ESPNL: variants seen among roughly 807,000 people sequenced by gnomAD.
ESPNL encodes the protein espin-like protein.
In ESPNL, 49 loss-of-function variants were observed where a neutral mutation model predicts 46.8. The observed-to-expected ratio is 1.05, with a 90% CI of 0.83 to 1.33. The LOEUF is 1.33. Ranked by LOEUF, ESPNL falls within the 40% of genes most tolerant of loss-of-function variation. The probability of loss-of-function intolerance (pLI) is 0.00; values close to 1 mark genes in which losing one functional copy is unlikely to be tolerated. For missense variants in ESPNL, 1,540 were observed against 1,436.6 expected, an observed-to-expected ratio of 1.07 and a Z score of -1.16; for synonymous variants, 664 against 662.1, an observed-to-expected ratio of 1.00 and a Z score of -0.04.
intron 8 of ESPNL, among the ~76,000 whole-genome samples, chr2:238,129,729 G>C (rs1488365203): frequency 1.3e-5 from 2 of 152,260 alleles, no homozygotes; most frequent in Admixed American, 1.3e-4. Flanking sequence ...GCCACATGCA[G>C]CCACTGAAAT....
rs781528755 is a variant in ESPNL, at chr2:238,104,834, G to A, written c.664G>A (p.Val222Ile). Reference protein sequence around the residue: ...AAARGHYSLVVWLVTFTDIGL... With the variant: ...AAARGHYSLVIWLVTFTDIGL... ...CGCCCGTGGCCACTACTCCCTCGTCGTCTGGCTGGTAAGTGGGTGCCAGAG... is the reference window on the plus strand; with the variant it reads ...CGCCCGTGGCCACTACTCCCTCGTCATCTGGCTGGTAAGTGGGTGCCAGAG... The change falls in exon 3 of 9, where the codon GTC (valine) becomes ATC (isoleucine). Residue 222 changes from valine to isoleucine, a missense_variant. Coordinates refer to ENST00000343063, the MANE Select transcript of ESPNL (RefSeq NM_194312.4). 27 of 1,511,494 alleles carry A rather than the reference G, an allele frequency of 1.8e-5. 1 individual carries two copies. Among genetic ancestry groups the A allele is most frequent in the Middle Eastern group, 2.1e-4 (1 of 4,726 alleles). The allele number at this position is 1,511,494 out of a possible 1,614,324, so 93.6% of individuals were successfully genotyped here.
At chr2:238,127,298 A>C in intron 6 of ESPNL, 1 of 1,108,128 alleles carries the variant, frequency 9.0e-7, no homozygotes, top group East Asian at 4.8e-5. Flanking sequence ...CAGCAAGGGA[A>C]CCAGCTTTGG....
chr2:238,131,483 A>G lies in ESPNL; in HGVS notation c.2769A>G (p.Lys923=), dbSNP rs1692336170. The G allele has an allele frequency of 6.2e-7, 1 of 1,611,674 alleles. No individual in the cohort carries two copies. Among genetic ancestry groups the G allele is most frequent in the Non-Finnish European group, 8.5e-7 (1 of 1,179,512 alleles). ...GGACCGACGGCTTCGAGGACATCAA[A>G]GCCCGCTTCTTTGGCTCCAGCCAGC... ...RAWTDGFEDI[K]ARFFGSSQRP... is the part of the protein sequence containing the mutation. Residue 923 remains lysine (K), a synonymous_variant, in exon 9 of 9, where the codon AAA becomes AAG. Transcript: ENST00000343063.
intron 2 of ESPNL, among the ~76,000 whole-genome samples, chr2:238,102,465 A>G (rs1691506707): frequency 6.6e-6 from 1 of 152,132 alleles, no homozygotes; most frequent in Admixed American, 6.5e-5. Context: ...GACCTAAAAC[A>G]GCTGGGGACG....
At chr2:238,101,108 G>A (rs1030539413) in intron 1 of ESPNL, among the ~76,000 whole-genome samples, 2 of 152,184 alleles carry the variant, frequency 1.3e-5, no homozygotes, top group Admixed American at 6.5e-5. Flanking sequence ...TGGGGGACGG[G>A]AGTTAGGGCT....
Position 238,132,064 on chromosome 2 carries a change from G to A in ESPNL, c.*332G>A. The A allele has an allele frequency of 3.8e-6, 1 of 262,806 alleles. No individual in the cohort carries two copies. Among genetic ancestry groups the A allele is most frequent in the Non-Finnish European group, 7.2e-6 (1 of 138,616 alleles). 16.3% of individuals were successfully genotyped at this position (262,806 alleles called of 1,614,324 possible). ...CACTTGTCCTTCCCCAGTGTCACCA[G>A]TTCCCTTGGCGTCCTGTCCCTCAGT... On this transcript the variant is annotated 3_prime_UTR_variant, in exon 9 of 9. Coordinates refer to ENST00000343063, the MANE Select transcript of ESPNL (RefSeq NM_194312.4).
In ESPNL at chr2:238,128,869, G is replaced by A. The variant is rs1384844944; in HGVS notation, c.1378G>A (p.Ala460Thr). 4 of 1,545,332 alleles carry A rather than the reference G, an allele frequency of 2.6e-6. No homozygotes were observed. In the Admixed American group the frequency reaches 5.9e-5, roughly 23 times the overall value. Reference sequence around the variant, plus strand: ...GCAGGTGATGGTGCGGAAGCTGCAGGCGCGCCTGGGCGCAGAGAGCTCCGC... The same window carrying A: ...GCAGGTGATGGTGCGGAAGCTGCAGACGCGCCTGGGCGCAGAGAGCTCCGC... ...KRQVMVRKLQ[A>T]RLGAESSAEA... Residue 460 changes from alanine to threonine, a missense_variant, in exon 8 of 9, where the codon GCG becomes ACG. Coordinates refer to ENST00000343063, the MANE Select transcript of ESPNL (RefSeq NM_194312.4).
rs772457968 is a variant in ESPNL at position 238,107,924 on chromosome 2, C to T, written c.806C>T (p.Ser269Phe). The T allele has an allele frequency of 1.4e-5, 22 of 1,612,614 alleles. No individual in the cohort carries two copies. The highest frequency in any genetic ancestry group is 1.6e-4 in the Middle Eastern group (1 of 6,072). The change falls in exon 4 of 9, where the codon TCC becomes TTC. Residue 269 changes from serine (S) to phenylalanine (F), a missense_variant. Physicochemically the swap from Ser to Phe is radical, Grantham distance 155. Coordinates refer to ENST00000343063, the MANE Select transcript of ESPNL (RefSeq NM_194312.4). ...ATGGGTACCCCCATCCTGAGAGACTCCTGGGGTGGGACCCCCCTCCACGAC... is the reference window on the plus strand; with the variant it reads ...ATGGGTACCCCCATCCTGAGAGACTTCTGGGGTGGGACCCCCCTCCACGAC... ...LLMGTPILRDSWGGTPLHDAA... is the reference protein window; with the variant it reads ...LLMGTPILRDFWGGTPLHDAA...
At position 238,130,872 on chromosome 2, in the gene ESPNL, G is replaced by A. The variant is rs1250424703; in HGVS notation, c.2158G>A (p.Glu720Lys). The A allele has an allele frequency of 6.4e-7, 1 of 1,557,086 alleles. No individual in the cohort carries two copies. The highest frequency in any genetic ancestry group is 1.2e-5 in the South Asian group (1 of 85,038). The change falls in exon 9 of 9, where the codon GAG becomes AAG. Residue 720 changes from glutamate to lysine, a missense_variant. Transcript: ENST00000343063. ...CAGCGACTCTGGCATCAGCTGCGAGGAGGTGCCATCAGAGGCGGGTGCCGC... is the reference window on the plus strand; with the variant it reads ...CAGCGACTCTGGCATCAGCTGCGAGAAGGTGCCATCAGAGGCGGGTGCCGC... ...EASDSGISCEEVPSEAGAAAG... is the reference protein window; with the variant it reads ...EASDSGISCEKVPSEAGAAAG...
rs751771363 is a variant in ESPNL, at chr2:238,127,104, GTATGTGA to G, written c.1103-516_1103-510del. 6.3e-5 allele frequency among the ~76,000 whole-genome samples: 6 copies of G among 95,554 alleles called. No homozygotes were observed. The East Asian group carries it at 2.7e-3, about 43-fold the overall frequency. 62.7% of individuals were successfully genotyped at this position (95,554 alleles called of 152,430 possible). A position where few individuals can be genotyped will look rare whatever the true frequency, so the allele number is the denominator to read the frequency against. On this transcript the variant is annotated intron_variant, in intron 6 of 8. Coordinates refer to ENST00000343063, the MANE Select transcript of ESPNL (RefSeq NM_194312.4). ...TGTGTGTATGATTGTGTCTGTGTCT[GTATGTGA>G]TGTGATTGTGTCTGTGTCTGTGTGA...
chr2:238,112,487 C>G (rs369587561), intron 4 of ESPNL, among the ~76,000 whole-genome samples: 2 of 41,866 alleles, frequency 4.8e-5, no homozygotes, highest in Non-Finnish European at 1.1e-4. Context: ...CTCCAAAAAG[C>G]ATTAATTGTC....
At chr2:238,109,259 T>C (rs763748265) in intron 4 of ESPNL, among the ~76,000 whole-genome samples, 4 of 152,152 alleles carry the variant, frequency 2.6e-5, no homozygotes, top group Non-Finnish European at 5.9e-5. Flanking sequence ...TTCTTTCAAA[T>C]GAAATATTTG....
chr2:238,108,584 G>A (rs1039342613), intron 4 of ESPNL, among the ~76,000 whole-genome samples: 2 of 152,136 alleles, frequency 1.3e-5, no homozygotes, highest in African/African-American at 4.8e-5. Flanking sequence ...GCCCCATCCG[G>A]TCCTGAGCAG....
chr2:238,129,290 G>A (rs1692223205), intron 8 of ESPNL: 1 of 1,092,696 alleles, frequency 9.2e-7, no homozygotes, highest in Non-Finnish European at 1.1e-6. Context: ...AAGCAGTTGG[G>A]GGACTATGAT....
Position 238,131,553 on chromosome 2 carries a change from C to A in ESPNL, c.2839C>A (p.Leu947Met), listed in dbSNP as rs1379348290. 1 of 1,611,182 alleles carries A rather than the reference C, an allele frequency of 6.2e-7. No homozygotes were observed. The highest frequency in any genetic ancestry group is 8.5e-7 in the Non-Finnish European group (1 of 1,179,090). ...TEPGRKSGLT[L>M]LGPLPHAAVP... Reference sequence around the variant, plus strand: ...GCCTGGCCGCAAGTCAGGTCTGACCCTGCTCGGGCCCCTGCCTCACGCCGC... The same window carrying A: ...GCCTGGCCGCAAGTCAGGTCTGACCATGCTCGGGCCCCTGCCTCACGCCGC... The change falls in exon 9 of 9, where the codon CTG (leucine) becomes ATG (methionine). Residue 947 changes from leucine (L) to methionine (M), a missense_variant. Transcript: ENST00000343063.
At chr2:238,117,081 C>A in intron 5 of ESPNL, 47 bp downstream of exon 5, 1 of 1,565,532 alleles carries the variant, frequency 6.4e-7, no homozygotes, top group Non-Finnish European at 8.7e-7. Flanking sequence ...GGGGGTGGGC[C>A]CAGACCCCAG....
intron 5 of ESPNL, among the ~76,000 whole-genome samples, chr2:238,123,360 T>A (rs1692030036): frequency 6.6e-6 from 1 of 152,222 alleles, no homozygotes; most frequent in Non-Finnish European, 1.5e-5. Context: ...ATCCCGGCTC[T>A]GCGGCAGCCC....
chr2:238,103,501 G>T (rs1011207975), intron 2 of ESPNL, among the ~76,000 whole-genome samples: 1 of 152,084 alleles, frequency 6.6e-6, no homozygotes, highest in African/African-American at 2.4e-5. Flanking sequence ...ACACAAATGG[G>T]AAGGTCCTGT....
In ESPNL at chr2:238,107,804, A is replaced by G. The variant is rs780183377; in HGVS notation, c.686A>G (p.Asp229Gly). ...CTCCTTCCCCAGGTCACATTCACCG[A>G]CATCGGACTCACGGCACGGGACAAT... is the stretch of plus-strand genomic sequence containing the variant. ...SLVVWLVTFTDIGLTARDNEG... is the reference protein window; with the variant it reads ...SLVVWLVTFTGIGLTARDNEG... Residue 229 changes from aspartate (D) to glycine (G), a missense_variant, in exon 4 of 9, where the codon GAC becomes GGC. Physicochemically the swap from Asp to Gly is moderately conservative, Grantham distance 94 (BLOSUM62 -1). Transcript: ENST00000343063. 12 of 1,595,262 alleles carry G rather than the reference A, an allele frequency of 7.5e-6. No homozygotes were observed. The Admixed American group carries it at 1.9e-4, about 25-fold the overall frequency.
Sources: allele counts gnomAD v4.1 joint callset (sites outside exome capture counted in the v4.1 genomes callset), GRCh38; gene constraint gnomAD v4.1.1; transcripts MANE v1.5; gene names NCBI Gene and HGNC (gene_info 2026-07-23, HGNC 2026-07-21).